Variants in LIPK observed in about 807,000 individuals in gnomAD.
The protein encoded by LIPK is lipase member K.
In LIPK, 32 loss-of-function variants were observed where a neutral mutation model predicts 48.6. The observed-to-expected ratio is 0.66, with a 90% CI of 0.50 to 0.88. The LOEUF (loss-of-function observed/expected upper bound fraction) is 0.88, where lower values mean the gene tolerates loss of function less well. Ranked by LOEUF, LIPK falls within the 40% of genes least tolerant of loss-of-function variation. The probability of loss-of-function intolerance (pLI) is 0.00; values close to 1 mark genes in which losing one functional copy is unlikely to be tolerated. For synonymous variants in LIPK, 164 were observed against 157.4 expected (o/e 1.04, Z -0.32); for missense variants, 507 against 478.5 (o/e 1.06, Z -0.56).
At chr10:88,731,226 G>A in intron 4 of LIPK, 45 bp downstream of exon 4, 1 of 1,387,382 alleles carries the variant, frequency 7.2e-7, no homozygotes, top group Non-Finnish European at 9.5e-7. Flanking sequence ...CTTTCCTCAT[G>A]CATATGTATG....
At position 88,731,123 on chromosome 10, in the gene LIPK, A is replaced by C; in HGVS notation, c.364A>C (p.Thr122Pro). ...GTGGTTGGGGAACAGCCGAGGAAAC[A>C]CTTGGTCCAGAAAACACCTTAAATT... ...DVWLGNSRGN[T>P]WSRKHLKLSP... The change falls in exon 4 of 10, where the codon ACT becomes CCT. Residue 122 changes from threonine (T) to proline (P), a missense_variant. Transcript: ENST00000404190. 1 of 1,605,034 alleles carries C rather than the reference A, an allele frequency of 6.2e-7. No individual in the cohort carries two copies. The highest frequency in any genetic ancestry group is 8.5e-7 in the Non-Finnish European group (1 of 1,176,394).
intron 1 of LIPK, among the ~76,000 whole-genome samples, chr10:88,722,238 T>C (rs1842240501): frequency 1.3e-5 from 2 of 152,168 alleles, no homozygotes; most frequent in Admixed American, 1.3e-4. Flanking sequence ...GATGTTGCAG[T>C]GAGCCGGGGT....
chr10:88,738,079 A>T (rs531082896), intron 7 of LIPK, among the ~76,000 whole-genome samples: 11 of 152,182 alleles, frequency 7.2e-5, no homozygotes, highest in Non-Finnish European at 1.6e-4. Context: ...TGTCAGACCC[A>T]CTGAAGTAGA....
chr10:88,712,263 C>T (rs1367134783), intron 1 of LIPK, among the ~76,000 whole-genome samples: 1 of 152,270 alleles, frequency 6.6e-6, no homozygotes, highest in South Asian at 2.1e-4. Flanking sequence ...TCTGAACTCT[C>T]TCAGTTGAAA....
In LIPK at chr10:88,743,266, A is replaced by T; in HGVS notation, c.905A>T (p.Gln302Leu). 1 of 1,589,096 alleles carries T rather than the reference A, an allele frequency of 6.3e-7. No homozygotes were observed. Among genetic ancestry groups the T allele is most frequent in the Admixed American group, 1.7e-5 (1 of 57,214 alleles). The change falls in exon 9 of 10, where the codon CAG becomes CTG. Residue 302 changes from glutamine (Q) to leucine (L), a missense_variant. Physicochemically the swap from Gln to Leu is moderately radical, Grantham distance 113 (BLOSUM62 -2). Coordinates refer to ENST00000404190, the MANE Select transcript of LIPK (RefSeq NM_001080518.2). ...TTATTTTAGGCTGTTAATTCTGGTC[A>T]GCTCCAAGCTTTTGATTGGGGAAAC... is the stretch of plus-strand genomic sequence containing the variant. The part of the protein sequence containing the change: ...LHWAQAVNSG[Q>L]LQAFDWGNSD...
chr10:88,749,723 A>ATGCAAAAATTTCATGATAAAGG (rs1842830961), intron 9 of LIPK, among the ~76,000 whole-genome samples: 2 of 148,648 alleles, frequency 1.3e-5, no homozygotes, highest in Non-Finnish European at 1.5e-5. Flanking sequence ...CATGATAAAG[A>ATGCAAAAATTTCATGATAAAGG]TGCAAAAATT....
chr10:88,729,762 T>G (rs1842427775), intron 3 of LIPK, among the ~76,000 whole-genome samples: 1 of 152,212 alleles, frequency 6.6e-6, no homozygotes, highest in Admixed American at 6.5e-5. Flanking sequence ...TCTTAGTTCC[T>G]TGGTCCCGAT....
intron 3 of LIPK, among the ~76,000 whole-genome samples, chr10:88,729,369 A>T (rs1402018472): frequency 6.6e-6 from 1 of 152,078 alleles, no homozygotes; most frequent in Non-Finnish European, 1.5e-5. Context: ...AAACTTCTCA[A>T]TATCAGAAAG....
At chr10:88,744,790 A>G (rs919351693) in intron 9 of LIPK, among the ~76,000 whole-genome samples, 1 of 152,244 alleles carries the variant, frequency 6.6e-6, no homozygotes, top group South Asian at 2.1e-4. Context: ...AATGACTGAA[A>G]TGACAGATAC....
intron 9 of LIPK, among the ~76,000 whole-genome samples, chr10:88,748,121 G>T (rs547573756): frequency 6.6e-6 from 1 of 152,082 alleles, no homozygotes; most frequent in African/African-American, 2.4e-5. Flanking sequence ...GCAGGGACAC[G>T]GATGCAGCTG....
intron 5 of LIPK, 36 bp from the exon 6 acceptor site, chr10:88,732,379 C>A (rs1394770400): frequency 6.3e-7 from 1 of 1,596,770 alleles, no homozygotes; most frequent in Admixed American, 1.8e-5. Context: ...AAATAATTAT[C>A]TGAAAACTAT....
Position 88,732,433 on chromosome 10 carries a change from CA to C in LIPK, c.554del (p.Asn185ThrfsTer27). Reference protein sequence around the residue: ...GTTIAFIAFSTNPELAKKIKI... With the variant: ...GTTIAFIAFSXNPELAKKIKI... ...ATTTCAGCTTTTATAGCATTTTCTA[CA>C]AACCCAGAACTGGCTAAAAAGATTA... On this transcript the variant is annotated frameshift_variant, in exon 6 of 10. Coordinates refer to ENST00000404190, the MANE Select transcript of LIPK (RefSeq NM_001080518.2). LOFTEE classifies it high-confidence loss of function. 6.2e-7 allele frequency: 1 copy of C among 1,609,562 alleles called. No homozygotes were observed. The highest frequency in any genetic ancestry group is 8.5e-7 in the Non-Finnish European group (1 of 1,178,926).
rs1842358538 is a variant in LIPK at position 88,727,053 on chromosome 10, CTG to C, written c.223+143_223+144del. 7.7e-6 allele frequency: 5 copies of C among 647,318 alleles called. No homozygotes were observed. The East Asian group carries it at 1.4e-4, about 18-fold the overall frequency. The allele number at this position is 647,318 out of a possible 1,614,324, so 40.1% of individuals were successfully genotyped here. On this transcript the variant is annotated intron_variant, in intron 3 of 9. Coordinates refer to ENST00000404190, the MANE Select transcript of LIPK (RefSeq NM_001080518.2). ...AGAAAAATTATCGCCCCCCATCTCT[CTG>C]TTTAATTTGTGTAACTTTGAAGTTT... is the stretch of plus-strand genomic sequence containing the variant.
At chr10:88,725,243 G>GT (rs930849293) in intron 2 of LIPK, among the ~76,000 whole-genome samples, 11 of 152,150 alleles carry the variant, frequency 7.2e-5, no homozygotes, top group Admixed American at 6.5e-4. Context: ...AACTGCCAAA[G>GT]TTTTTTTTCA....
chr10:88,716,212 G>C (rs540191217), intron 1 of LIPK, among the ~76,000 whole-genome samples: 2 of 152,122 alleles, frequency 1.3e-5, no homozygotes, highest in South Asian at 4.1e-4. Flanking sequence ...AGTAATAATT[G>C]AAAACTTTTT....
intron 9 of LIPK, among the ~76,000 whole-genome samples, chr10:88,746,814 C>G (rs1430926674): frequency 6.6e-6 from 1 of 151,962 alleles, no homozygotes; most frequent in African/African-American, 2.4e-5. Context: ...TACAAAAGAT[C>G]AACAAAATCA....
In LIPK at chr10:88,730,989, AG is replaced by A. The variant is rs1452091837; in HGVS notation, c.231del (p.Lys77AsnfsTer10). On this transcript the variant is annotated frameshift_variant, in exon 4 of 10. Transcript: ENST00000404190. LOFTEE classifies it high-confidence loss of function. ...GRGCPGRTAP[K>X]PAVYLQHGLI... is the part of the protein sequence containing the mutation. ...TGTTGCCTGTGTTTTGCAGCTCCAA[AG>A]CCTGCTGTGTATTTGCAGCATGGCT... is the stretch of plus-strand genomic sequence containing the variant. 9 of 1,576,950 alleles carry A rather than the reference AG, an allele frequency of 5.7e-6. No individual in the cohort carries two copies. Among genetic ancestry groups the A allele is most frequent in the Non-Finnish European group, 7.7e-6 (9 of 1,161,880 alleles).
intron 8 of LIPK, among the ~76,000 whole-genome samples, chr10:88,741,260 C>T (rs754234598): frequency 3.3e-5 from 5 of 152,258 alleles, no homozygotes; most frequent in East Asian, 1.9e-4. Flanking sequence ...GGTACAATCA[C>T]GTTACCCAGG....
At chr10:88,717,346 T>C (rs974077330) in intron 1 of LIPK, among the ~76,000 whole-genome samples, 3 of 152,194 alleles carry the variant, frequency 2.0e-5, no homozygotes, top group African/African-American at 7.2e-5. Context: ...CCTTCTACTC[T>C]TGGGTTTTTC....
Sources: allele counts gnomAD v4.1 joint callset (sites outside exome capture counted in the v4.1 genomes callset), GRCh38; gene constraint gnomAD v4.1.1; transcripts MANE v1.5; gene names NCBI Gene and HGNC (gene_info 2026-07-23, HGNC 2026-07-21).